Variants in SCTR observed in about 807,000 individuals in gnomAD.
The protein encoded by SCTR is secretin receptor, also known as pancreatic secretin receptor.
In SCTR, 56 loss-of-function variants were observed where a neutral mutation model predicts 60.8. The observed-to-expected ratio is 0.92, with a 90% CI of 0.74 to 1.15. The LOEUF (loss-of-function observed/expected upper bound fraction) is 1.15, where lower values mean the gene tolerates loss of function less well. Among genes scored for constraint, SCTR ranks in the 50% most tolerant of loss-of-function variants. The pLI, the probability that SCTR is intolerant of heterozygous loss-of-function variation, is 0.00. For synonymous variants in SCTR, 202 were observed against 217.0 expected (o/e 0.93, Z 0.61); for missense variants, 562 against 550.4 (o/e 1.02, Z -0.21).
chr2:119,457,207 A>G (rs1180519141), intron 7 of SCTR, among the ~76,000 whole-genome samples: 1 of 152,024 alleles, frequency 6.6e-6, no homozygotes, highest in African/African-American at 2.4e-5. Context: ...ATTTGAGAGA[A>G]TTGATGCTGG....
chr2:119,468,492 A>C (rs750355169), intron 4 of SCTR, among the ~76,000 whole-genome samples: 3 of 152,238 alleles, frequency 2.0e-5, no homozygotes. Context: ...GGATAATAAT[A>C]TCTACCTTGC....
At chr2:119,491,494 C>T (rs181939689) in intron 2 of SCTR, among the ~76,000 whole-genome samples, 34 of 151,956 alleles carry the variant, frequency 2.2e-4, no homozygotes, top group Admixed American at 2.2e-3. Flanking sequence ...TTACATGTTT[C>T]TTTCTTTCTT....
chr2:119,505,652 A>T (rs1325965713), intron 1 of SCTR, among the ~76,000 whole-genome samples: 2 of 150,878 alleles, frequency 1.3e-5, no homozygotes, highest in Non-Finnish European at 2.9e-5. Context: ...TGGGAACTGA[A>T]CAATGAGAAC....
chr2:119,466,017 A>C (rs1017793952), intron 4 of SCTR, 131 bp from the exon 5 acceptor site: 4 of 638,336 alleles, frequency 6.3e-6, no homozygotes, highest in Non-Finnish European at 8.7e-6. Context: ...AAGGACGCCA[A>C]TTCACAGACA....
At chr2:119,521,462 G>A (rs1679284454) in intron 1 of SCTR, among the ~76,000 whole-genome samples, 1 of 152,098 alleles carries the variant, frequency 6.6e-6, no homozygotes, top group Admixed American at 6.6e-5. Context: ...GGGTTTGGGG[G>A]ACAGATGTGT....
intron 1 of SCTR, among the ~76,000 whole-genome samples, chr2:119,511,679 G>A (rs1428450586): frequency 6.6e-6 from 1 of 152,102 alleles, no homozygotes; most frequent in Non-Finnish European, 1.5e-5. Flanking sequence ...GGTTTGGGGT[G>A]CCCTCTCCCT....
At chr2:119,521,562 T>C (rs572251149) in intron 1 of SCTR, among the ~76,000 whole-genome samples, 2 of 152,286 alleles carry the variant, frequency 1.3e-5, no homozygotes, top group East Asian at 3.9e-4. Flanking sequence ...CAGTATTTCT[T>C]ATAGGGAGGC....
At chr2:119,461,418 A>G (rs1346763230) in intron 7 of SCTR, among the ~76,000 whole-genome samples, 1 of 152,252 alleles carries the variant, frequency 6.6e-6, no homozygotes, top group Non-Finnish European at 1.5e-5. Flanking sequence ...CTTGTCTAAG[A>G]TTACACAAGT....
intron 11 of SCTR, among the ~76,000 whole-genome samples, chr2:119,444,393 A>ACATATATACGTATGAATATATATACC (rs1558831132): frequency 2.1e-5 from 3 of 144,798 alleles, no homozygotes; most frequent in South Asian, 2.1e-4. Flanking sequence ...ATATATATAC[A>ACATATATACGTATGAATATATATACC]CATATACGTA....
chr2:119,481,376 C>G (rs1298529747), intron 2 of SCTR, among the ~76,000 whole-genome samples: 1 of 152,194 alleles, frequency 6.6e-6, no homozygotes, highest in Non-Finnish European at 1.5e-5. Flanking sequence ...CAGCCTACAT[C>G]AGAATGAGCT....
intron 6 of SCTR, 97 bp downstream of exon 6, chr2:119,464,026 G>A (rs1558848132): frequency 1.7e-5 from 23 of 1,320,886 alleles, no homozygotes; most frequent in Admixed American, 5.1e-5. Context: ...CTCAGCAGGG[G>A]CTTGGGGGAA....
intron 1 of SCTR, among the ~76,000 whole-genome samples, chr2:119,517,449 C>T (rs769823477): frequency 3.3e-5 from 5 of 152,154 alleles, no homozygotes; most frequent in Non-Finnish European, 4.4e-5. Context: ...AGTGAGCCAC[C>T]GTGCTTAGTC....
chr2:119,509,271 A>G (rs1222842596), intron 1 of SCTR, among the ~76,000 whole-genome samples: 1 of 152,212 alleles, frequency 6.6e-6, no homozygotes. Context: ...ATCACACCCT[A>G]GCTCAACTGT....
At chr2:119,503,936 G>C (rs962411332) in intron 1 of SCTR, among the ~76,000 whole-genome samples, 38 of 152,068 alleles carry the variant, frequency 2.5e-4, no homozygotes, top group Admixed American at 3.9e-4. Flanking sequence ...CAATTTTTCT[G>C]TATACCTAAT....
At chr2:119,441,454 C>G (rs1015315243) in intron 12 of SCTR, 104 bp downstream of exon 12, 3 of 910,464 alleles carry the variant, frequency 3.3e-6, no homozygotes, top group Non-Finnish European at 5.3e-6. Flanking sequence ...CCCTCTGACC[C>G]TTTCCATCCC....
At position 119,440,123 on chromosome 2, in the gene SCTR, G is replaced by A. The variant is rs1478515358; in HGVS notation, c.1317C>T (p.Ile439=). 2 of 1,613,582 alleles carry A rather than the reference G, an allele frequency of 1.2e-6. No individual in the cohort carries two copies. The highest frequency in any genetic ancestry group is 3.3e-5 in the Admixed American group (2 of 59,988). Residue 439 remains isoleucine, a synonymous_variant, in exon 13 of 13, where the codon ATC becomes ATT. Coordinates refer to ENST00000019103, the MANE Select transcript of SCTR (RefSeq NM_002980.3). ...GTGACCCTGCTCCAGCCTCTCAGAT[G>A]ATGCTGGTCCTGCAGGTGCCCTGGC... ...EQSQGTCRTS[I]I
chr2:119,462,898 G>T (rs934433742), intron 6 of SCTR, among the ~76,000 whole-genome samples: 2 of 152,218 alleles, frequency 1.3e-5, no homozygotes, highest in Non-Finnish European at 2.9e-5. Flanking sequence ...ACCTGAGAAG[G>T]TTCCCTGCTG....
intron 7 of SCTR, among the ~76,000 whole-genome samples, chr2:119,455,321 C>A (rs1683332758): frequency 1.3e-5 from 2 of 152,210 alleles, no homozygotes; most frequent in Admixed American, 1.3e-4. Context: ...GAGAGACAAA[C>A]CCCACACCCC....
Position 119,446,769 on chromosome 2 carries a change from C to G in SCTR, c.1130G>C (p.Gly377Ala). 1 of 1,547,292 alleles carries G rather than the reference C, an allele frequency of 6.5e-7. No homozygotes were observed. Among genetic ancestry groups the G allele is most frequent in the Non-Finnish European group, 8.7e-7 (1 of 1,144,122 alleles). Reference protein sequence around the residue: ...EIQLFFELALGSFQGLVVAVL... With the variant: ...EIQLFFELALASFQGLVVAVL... ...GTCCTGGAAACTTACCTGGAATGAG[C>G]CAAGGGCTAGTTCAAAAAACAGCTG... Residue 377 changes from glycine (G) to alanine (A), a missense_variant, in exon 11 of 13, where the codon GGC becomes GCC. Physicochemically the swap from Gly to Ala is moderately conservative, Grantham distance 60. Coordinates refer to ENST00000019103, the MANE Select transcript of SCTR (RefSeq NM_002980.3).
Sources: allele counts gnomAD v4.1 joint callset (sites outside exome capture counted in the v4.1 genomes callset), GRCh38; gene constraint gnomAD v4.1.1; transcripts MANE v1.5; gene names NCBI Gene and HGNC (gene_info 2026-07-23, HGNC 2026-07-21).